KANSL1: variants seen among roughly 807,000 people sequenced by gnomAD.
The protein encoded by KANSL1 is MLL1/MLL complex subunit KANSL1.
A neutral mutation model predicts 103.6 loss-of-function variants in KANSL1; 22 were observed. That is an observed-to-expected ratio of 0.21 (90% CI 0.15 to 0.30). KANSL1 has a LOEUF of 0.30. Among genes scored for constraint, KANSL1 ranks in the 10% least tolerant of loss-of-function variants. The pLI is 1.00. For missense variants in KANSL1, 1,337 were observed against 1,399.8 expected (o/e 0.96, Z 0.72); for synonymous variants, 600 against 527.6 (o/e 1.14, Z -1.88).
intron 2 of KANSL1, among the ~76,000 whole-genome samples, chr17:46,154,410 G>T (rs2045302758): frequency 6.6e-6 from 1 of 152,204 alleles, no homozygotes; most frequent in Admixed American, 6.5e-5. Context: ...TTCCCGAGTA[G>T]CTGGGACTAC....
At chr17:46,216,812 A>G (rs909417771) in intron 1 of KANSL1, among the ~76,000 whole-genome samples, 4 of 152,066 alleles carry the variant, frequency 2.6e-5, no homozygotes, top group African/African-American at 9.7e-5. Flanking sequence ...AGAGATATGT[A>G]GTACTCCAGG....
intron 2 of KANSL1, among the ~76,000 whole-genome samples, chr17:46,147,296 TG>T (rs35178739): frequency 6.6e-6 from 1 of 152,086 alleles, no homozygotes; most frequent in South Asian, 2.1e-4. Context: ...TCAACCAGAC[TG>T]GGGTGGTGGC....
chr17:46,063,138 T>C (rs530957094), intron 6 of KANSL1, among the ~76,000 whole-genome samples: 3 of 152,240 alleles, frequency 2.0e-5, no homozygotes, highest in Non-Finnish European at 4.4e-5. Flanking sequence ...TCATTTAAGA[T>C]GCAGGTAAGG....
intron 1 of KANSL1, among the ~76,000 whole-genome samples, chr17:46,186,376 T>C (rs1433633479): frequency 6.8e-6 from 1 of 148,070 alleles, no homozygotes; most frequent in South Asian, 2.1e-4. Flanking sequence ...AGAGCGAGAC[T>C]GTGTCTCAAA....
chr17:46,166,469 G>A (rs1178096133), intron 2 of KANSL1, among the ~76,000 whole-genome samples: 4 of 151,000 alleles, frequency 2.6e-5, no homozygotes, highest in Admixed American at 1.3e-4. Flanking sequence ...CCAAGATCGC[G>A]CCACTGCACT....
intron 1 of KANSL1, among the ~76,000 whole-genome samples, chr17:46,204,497 T>A (rs1328897550): frequency 1.3e-5 from 2 of 152,240 alleles, no homozygotes; most frequent in Non-Finnish European, 2.9e-5. Flanking sequence ...TTAATTATTA[T>A]CTTCATTCAG....
intron 6 of KANSL1, among the ~76,000 whole-genome samples, chr17:46,052,375 C>T (rs1028781670): frequency 6.6e-6 from 1 of 152,014 alleles, no homozygotes. Flanking sequence ...GAGGCCAAGG[C>T]GGGTGGATCA....
intron 2 of KANSL1, among the ~76,000 whole-genome samples, chr17:46,139,021 A>C (rs1299572693): frequency 6.6e-6 from 1 of 152,238 alleles, no homozygotes; most frequent in Non-Finnish European, 1.5e-5. Context: ...ACAAATTTCT[A>C]ATCTGCTAAG....
chr17:46,099,443 T>A (rs1367138233), intron 2 of KANSL1, among the ~76,000 whole-genome samples: 1 of 152,158 alleles, frequency 6.6e-6, no homozygotes, highest in Non-Finnish European at 1.5e-5. Context: ...CTCTGACAAT[T>A]TACAGCTCAA....
intron 2 of KANSL1, among the ~76,000 whole-genome samples, chr17:46,096,721 C>T: frequency 6.6e-6 from 1 of 151,658 alleles, no homozygotes; most frequent in African/African-American, 2.4e-5. Context: ...CGGGTTTACG[C>T]CATTCTCCTG....
chr17:46,036,789 C>T (rs919498327), intron 10 of KANSL1, among the ~76,000 whole-genome samples: 11 of 151,978 alleles, frequency 7.2e-5, no homozygotes, highest in Admixed American at 2.0e-4. Flanking sequence ...GCTTGATCTC[C>T]GCTCACTGGA....
chr17:46,209,785 C>T (rs191931616), intron 1 of KANSL1, among the ~76,000 whole-genome samples: 23 of 152,270 alleles, frequency 1.5e-4, no homozygotes, highest in South Asian at 2.1e-4. Flanking sequence ...TGAGCCACCA[C>T]GACCAGCCCC....
At chr17:46,078,778 G>A (rs1388164961) in intron 4 of KANSL1, among the ~76,000 whole-genome samples, 1 of 152,214 alleles carries the variant, frequency 6.6e-6, no homozygotes, top group East Asian at 1.9e-4. Flanking sequence ...TGAAGAGAGA[G>A]AATGAGAAGG....
chr17:46,059,070 GAAA>G (rs199725437), intron 6 of KANSL1, among the ~76,000 whole-genome samples: 5 of 140,668 alleles, frequency 3.6e-5, no homozygotes, highest in Non-Finnish European at 1.6e-5. Context: ...AAGAAAGAAA[GAAA>G]AAAAAAAGAG....
intron 1 of KANSL1, among the ~76,000 whole-genome samples, chr17:46,184,879 A>C (rs1597910327): frequency 7.5e-6 from 1 of 133,036 alleles, no homozygotes. Flanking sequence ...TCTCATTGTC[A>C]CCCGGGCTGG....
At chr17:46,031,963 C>G in intron 14 of KANSL1, 84 bp downstream of exon 14, 1 of 1,589,168 alleles carries the variant, frequency 6.3e-7, no homozygotes, top group Non-Finnish European at 8.6e-7. Context: ...GAGGGGATGG[C>G]TAGGTCCCTC....
intron 6 of KANSL1, among the ~76,000 whole-genome samples, chr17:46,056,051 T>C (rs1355659983): frequency 2.0e-5 from 3 of 152,214 alleles, no homozygotes; most frequent in Non-Finnish European, 4.4e-5. Context: ...CAGGCTAGAG[T>C]GCAATGGTGC....
At chr17:46,089,916 A>G (rs2079317224) in intron 3 of KANSL1, among the ~76,000 whole-genome samples, 1 of 152,244 alleles carries the variant, frequency 6.6e-6, no homozygotes. Flanking sequence ...GCATGTGAAT[A>G]TATCATTGGG....
chr17:46,153,123 T>C (rs2045215066), intron 2 of KANSL1, among the ~76,000 whole-genome samples: 1 of 152,184 alleles, frequency 6.6e-6, no homozygotes. Context: ...TCACAAGGAT[T>C]TTTTTTTAAA....
Sources: allele counts gnomAD v4.1 joint callset (sites outside exome capture counted in the v4.1 genomes callset), GRCh38; gene constraint gnomAD v4.1.1; transcripts MANE v1.5; gene names NCBI Gene and HGNC (gene_info 2026-07-23, HGNC 2026-07-21).